The following DNAJC5B variants were observed in gnomAD, a reference collection of about 807,000 sequenced individuals.
DNAJC5B encodes the protein DnaJ heat shock protein family (Hsp40) member C5 beta.
A neutral mutation model predicts 24.7 loss-of-function variants in DNAJC5B; 23 were observed. That is an observed-to-expected ratio of 0.93 (90% CI 0.67 to 1.32). DNAJC5B has a LOEUF of 1.32. Among genes scored for constraint, DNAJC5B ranks in the 40% most tolerant of loss-of-function variants. The pLI, the probability that DNAJC5B is intolerant of heterozygous loss-of-function variation, is 0.00. For synonymous variants in DNAJC5B, 101 were observed against 90.1 expected (o/e 1.12, Z -0.68); for missense variants, 238 against 240.8 (o/e 0.99, Z 0.08).
intron 1 of DNAJC5B, among the ~76,000 whole-genome samples, chr8:66,036,349 G>T (rs1395659943): frequency 6.6e-6 from 1 of 152,062 alleles, no homozygotes; most frequent in Non-Finnish European, 1.5e-5. Context: ...GGAGATCTCA[G>T]AATTTCCACA....
At chr8:66,047,758 A>G (rs902697999) in intron 2 of DNAJC5B, among the ~76,000 whole-genome samples, 1 of 152,236 alleles carries the variant, frequency 6.6e-6, no homozygotes, top group African/African-American at 2.4e-5. Context: ...ATAGGATTCC[A>G]GCCCCTGAGG....
intron 1 of DNAJC5B, among the ~76,000 whole-genome samples, chr8:66,037,020 G>T (rs540703536): frequency 6.6e-6 from 1 of 152,192 alleles, no homozygotes; most frequent in Non-Finnish European, 1.5e-5. Context: ...GACCCAGCTC[G>T]TTGCTTCCTG....
At chr8:66,056,254 G>T (rs912925691) in intron 3 of DNAJC5B, among the ~76,000 whole-genome samples, 3 of 152,120 alleles carry the variant, frequency 2.0e-5, no homozygotes, top group African/African-American at 7.2e-5. Flanking sequence ...AGATTGAACA[G>T]AAGTCCTGCC....
At chr8:66,038,683 C>A (rs1170244470) in intron 1 of DNAJC5B, among the ~76,000 whole-genome samples, 1 of 152,086 alleles carries the variant, frequency 6.6e-6, no homozygotes, top group Non-Finnish European at 1.5e-5. Context: ...TGTTTTCTAC[C>A]TTTTTTTAAG....
At chr8:66,076,925 T>C in intron 4 of DNAJC5B, 52 bp downstream of exon 4, 1 of 1,594,152 alleles carries the variant, frequency 6.3e-7, no homozygotes, top group Non-Finnish European at 8.6e-7. Context: ...ATGATATTAA[T>C]CACTCTTTTA....
At chr8:66,044,975 AT>A (rs1806693142) in intron 2 of DNAJC5B, among the ~76,000 whole-genome samples, 1 of 152,208 alleles carries the variant, frequency 6.6e-6, no homozygotes, top group Non-Finnish European at 1.5e-5. Flanking sequence ...TAAGGAAGAG[AT>A]TTTATGTTAT....
intron 1 of DNAJC5B, among the ~76,000 whole-genome samples, chr8:66,036,122 C>T (rs1326695800): frequency 2.0e-5 from 3 of 152,214 alleles, no homozygotes. Flanking sequence ...CAAGGAAAAC[C>T]TGGCTGAGAC....
chr8:66,058,086 C>G (rs1286001652), intron 3 of DNAJC5B: 1 of 152,190 alleles, frequency 6.6e-6, no homozygotes, highest in Non-Finnish European at 1.5e-5. Flanking sequence ...GTTCTCGCTC[C>G]TAGCCTGTAC....
chr8:66,064,026 A>G (rs1807137861), intron 3 of DNAJC5B, among the ~76,000 whole-genome samples: 1 of 152,196 alleles, frequency 6.6e-6, no homozygotes, highest in African/African-American at 2.4e-5. Context: ...CTTGGGGGTG[A>G]AACAGGAAAT....
At chr8:66,058,034 C>T (rs1048777289) in intron 3 of DNAJC5B, 2 of 152,254 alleles carry the variant, frequency 1.3e-5, no homozygotes, top group African/African-American at 4.8e-5. Flanking sequence ...CTATCCTTTT[C>T]CTCGTGAGTG....
intron 3 of DNAJC5B, among the ~76,000 whole-genome samples, chr8:66,076,108 G>A (rs1328408744): frequency 6.6e-6 from 1 of 152,216 alleles, no homozygotes; most frequent in African/African-American, 2.4e-5. Context: ...ATATGCATTT[G>A]AATACAAAGG....
At chr8:66,068,903 A>G (rs528532407) in intron 3 of DNAJC5B, among the ~76,000 whole-genome samples, 1 of 152,318 alleles carries the variant, frequency 6.6e-6, no homozygotes, top group South Asian at 2.1e-4. Context: ...CAACCAAGGT[A>G]ACAGAAGCCA....
chr8:66,052,716 T>C (rs964524616), intron 3 of DNAJC5B, among the ~76,000 whole-genome samples: 30 of 152,170 alleles, frequency 2.0e-4, no homozygotes, highest in African/African-American at 7.2e-4. Context: ...TTCTGAAAAC[T>C]CTGTTATTTG....
chr8:66,072,720 A>G (rs1481816646), intron 3 of DNAJC5B, among the ~76,000 whole-genome samples: 1 of 152,208 alleles, frequency 6.6e-6, no homozygotes, highest in Non-Finnish European at 1.5e-5. Flanking sequence ...TAAGATGTGA[A>G]ATGCAGTCAA....
At chr8:66,073,768 A>G (rs762118148) in intron 3 of DNAJC5B, among the ~76,000 whole-genome samples, 12 of 152,204 alleles carry the variant, frequency 7.9e-5, no homozygotes, top group Non-Finnish European at 1.8e-4. Flanking sequence ...CAAGAGTGGA[A>G]TATCTATTTA....
chr8:66,069,827 C>T (rs745974035), intron 3 of DNAJC5B, among the ~76,000 whole-genome samples: 19 of 152,130 alleles, frequency 1.2e-4, no homozygotes, highest in African/African-American at 4.1e-4. Flanking sequence ...ACTGGCAAAC[C>T]GAATCCAGCA....
At chr8:66,078,033 C>A (rs1011639122) in intron 4 of DNAJC5B, among the ~76,000 whole-genome samples, 1 of 151,696 alleles carries the variant, frequency 6.6e-6, no homozygotes, top group Non-Finnish European at 1.5e-5. Context: ...TGTGGGTTTG[C>A]GTGGGAACCC....
intron 5 of DNAJC5B, among the ~76,000 whole-genome samples, chr8:66,090,821 C>T (rs1035760758): frequency 6.6e-6 from 1 of 152,204 alleles, no homozygotes; most frequent in African/African-American, 2.4e-5. Flanking sequence ...CCACTCACCA[C>T]TCAAGCTTCA....
intron 3 of DNAJC5B, among the ~76,000 whole-genome samples, chr8:66,052,430 CTTTTTA>C (rs1207335188): frequency 6.6e-6 from 1 of 152,126 alleles, no homozygotes; most frequent in Admixed American, 6.5e-5. Context: ...TTTGAAATGT[CTTTTTA>C]TTTTAAGTCC....
Sources: allele counts gnomAD v4.1 joint callset (sites outside exome capture counted in the v4.1 genomes callset), GRCh38; gene constraint gnomAD v4.1.1; transcripts MANE v1.5; gene names NCBI Gene and HGNC (gene_info 2026-07-23, HGNC 2026-07-21).